Variants in GKN1 observed in about 807,000 individuals in gnomAD.
GKN1 encodes gastrokine 1.
Under a neutral mutation model 19.7 loss-of-function variants are expected in GKN1, and 17 were observed. The observed-to-expected ratio is 0.86, with a 90% confidence interval of 0.59 to 1.29. The LOEUF (loss-of-function observed/expected upper bound fraction) is 1.29. Ranked by LOEUF, GKN1 falls within the 50% of genes most tolerant of loss-of-function variation. GKN1 has a pLI of 0.00. For synonymous variants in GKN1, 96 were observed against 78.3 expected (o/e 1.23, Z -1.20); for missense variants, 218 against 224.5 (o/e 0.97, Z 0.19).
intron 5 of GKN1, 152 bp downstream of exon 5, chr2:68,980,212 T>C (rs1670339565): frequency 1.5e-6 from 1 of 680,714 alleles, no homozygotes; most frequent in Non-Finnish European, 2.6e-6. Flanking sequence ...TACTGTTCTA[T>C]GTGCTTTAAG....
chr2:68,979,279 GAGTT>G (rs1327533041), intron 4 of GKN1, among the ~76,000 whole-genome samples: 1 of 152,214 alleles, frequency 6.6e-6, no homozygotes, highest in African/African-American at 2.4e-5. Context: ...TTTTCTGCAA[GAGTT>G]AGTTAGGGTT....
Position 68,977,480 on chromosome 2 carries a change from T to A in GKN1, c.13-15T>A. ...TTGCCATGTAACAGGAGACCAATGT[T>A]ATTTGTGATTTCAGATTGTCTTTGC... On this transcript the variant is annotated splice_polypyrimidine_tract_variant and intron_variant, in intron 1 of 5. Transcript: ENST00000377938. 1 of 1,579,870 alleles carries A rather than the reference T, an allele frequency of 6.3e-7. No homozygotes were observed. The highest frequency in any genetic ancestry group is 1.3e-5 in the African/African-American group (1 of 74,284).
chr2:68,977,408 T>C, intron 1 of GKN1, 87 bp from the exon 2 acceptor site: 1 of 918,406 alleles, frequency 1.1e-6, no homozygotes, highest in Non-Finnish European at 1.8e-6. Flanking sequence ...GTAAAATTAG[T>C]GAATACTTTT....
intron 1 of GKN1, among the ~76,000 whole-genome samples, chr2:68,975,683 AT>A (rs1275582059): frequency 2.0e-5 from 3 of 152,084 alleles, no homozygotes; most frequent in African/African-American, 7.2e-5. Flanking sequence ...CACAGGTTAG[AT>A]TTGATTTCTC....
Position 68,978,889 on chromosome 2 carries a change from C to A in GKN1, c.223C>A (p.Leu75Ile), listed in dbSNP as rs1389886912. The A allele has an allele frequency of 2.5e-6, 4 of 1,606,706 alleles. No individual in the cohort carries two copies. The highest frequency in any genetic ancestry group is 2.6e-6 in the Non-Finnish European group (3 of 1,174,220). ...DYGNGFAATR[L>I]FQKKTCIVHK... ...TTAACAGGGCTTTGCTGCAACCAGA[C>A]TCTTTCAAAAGAAGACATGCATTGT... The change falls in exon 4 of 6, where the codon CTC becomes ATC. Residue 75 changes from leucine to isoleucine, a missense_variant. Leu to Ile is a conservative substitution (Grantham distance 5). Transcript: ENST00000377938.
intron 4 of GKN1, 150 bp from the exon 5 acceptor site, chr2:68,979,763 T>C (rs1670330023): frequency 1.6e-6 from 1 of 627,800 alleles, no homozygotes; most frequent in South Asian, 1.9e-5. Flanking sequence ...CAGAATAAGC[T>C]AGAAATGGCT....
In GKN1 at chr2:68,977,465, A is replaced by C. The variant is rs546719142; in HGVS notation, c.13-30A>C. Reference sequence around the variant, plus strand: ...AAAGAAGACATCATTTTGCCATGTAACAGGAGACCAATGTTATTTGTGATT... The same window carrying C: ...AAAGAAGACATCATTTTGCCATGTACCAGGAGACCAATGTTATTTGTGATT... On this transcript the variant is annotated intron_variant, in intron 1 of 5. Transcript: ENST00000377938. 383 of 1,508,684 alleles carry C rather than the reference A, an allele frequency of 2.5e-4. 7 individuals carry two copies. In the South Asian group the frequency reaches 4.0e-3, roughly 16 times the overall value. The allele number at this position is 1,508,684 out of a possible 1,614,324, so 93.5% of individuals were successfully genotyped here.
At chr2:68,980,085 C>T (rs768122229) in intron 5 of GKN1, 25 bp downstream of exon 5, 14 of 1,603,392 alleles carry the variant, frequency 8.7e-6, no homozygotes, top group Admixed American at 5.0e-5. Flanking sequence ...TACTGTGCAC[C>T]CCAAGTTAGT....
chr2:68,977,620 T>C lies in GKN1; in HGVS notation c.67-17T>C. 1 of 1,608,874 alleles carries C rather than the reference T, an allele frequency of 6.2e-7. No homozygotes were observed. On this transcript the variant is annotated splice_polypyrimidine_tract_variant and intron_variant, in intron 2 of 5. Coordinates refer to ENST00000377938, the MANE Select transcript of GKN1 (RefSeq NM_019617.4). The stretch of plus-strand genomic sequence containing the variant: ...AAATGTGATATTAAATCACTCTCAA[T>C]CTCTTATAAACTTCAGAATATCAAC...
At chr2:68,978,786 T>G (rs1423674698) in intron 3 of GKN1, 85 bp from the exon 4 acceptor site, 5 of 701,094 alleles carry the variant, frequency 7.1e-6, no homozygotes, top group Non-Finnish European at 1.3e-5. Flanking sequence ...GGAGTTCCCA[T>G]TTCTCTCTGC....
In GKN1 at chr2:68,980,116, A is replaced by G. The variant is rs1481302897; in HGVS notation, c.463+56A>G. On this transcript the variant is annotated intron_variant, in intron 5 of 5. Transcript: ENST00000377938. ...TTAGTGCTGGTGGGATTGTCAGACTATCCTCGCGCGTGTCCATAGTGGGCA... is the reference window on the plus strand; with the variant it reads ...TTAGTGCTGGTGGGATTGTCAGACTGTCCTCGCGCGTGTCCATAGTGGGCA... 9 of 1,509,590 alleles carry G rather than the reference A, an allele frequency of 6.0e-6. No individual in the cohort carries two copies. In the East Asian group the frequency reaches 1.8e-4, roughly 30 times the overall value. The allele number at this position is 1,509,590 out of a possible 1,614,324, so 93.5% of individuals were successfully genotyped here.
At chr2:68,980,702 A>G (rs777249036) in intron 5 of GKN1, 27 bp from the exon 6 acceptor site, 41 of 1,191,400 alleles carry the variant, frequency 3.4e-5, no homozygotes, top group Non-Finnish European at 4.8e-5. Context: ...AGACATTAAT[A>G]TAGGCTTCTT....
chr2:68,977,631 C>A lies in GKN1; in HGVS notation c.67-6C>A. The A allele has an allele frequency of 6.2e-7, 1 of 1,610,158 alleles. No individual in the cohort carries two copies. On this transcript the variant is annotated splice_region_variant and splice_polypyrimidine_tract_variant and intron_variant, in intron 2 of 5. Transcript: ENST00000377938. ...TAAATCACTCTCAATCTCTTATAAA[C>A]TTCAGAATATCAACGTCAATGATGA...
chr2:68,976,430 T>C (rs1424711589), intron 1 of GKN1, among the ~76,000 whole-genome samples: 2 of 152,206 alleles, frequency 1.3e-5, no homozygotes, highest in Non-Finnish European at 2.9e-5. Flanking sequence ...GGTCAAAATA[T>C]GTGCCAGGTG....
chr2:68,974,901 C>T (rs539404837), intron 1 of GKN1, among the ~76,000 whole-genome samples: 1 of 152,074 alleles, frequency 6.6e-6, no homozygotes, highest in East Asian at 1.9e-4. Context: ...GAGGACAGGT[C>T]AATAGGGGCA....
chr2:68,974,739 C>A, intron 1 of GKN1, 50 bp downstream of exon 1: 1 of 1,161,510 alleles, frequency 8.6e-7, no homozygotes. Flanking sequence ...TGGAGACTGT[C>A]AATATTCTGA....
chr2:68,979,954 G>C lies in GKN1; in HGVS notation c.357G>C (p.Leu119=). 1 of 1,613,476 alleles carries C rather than the reference G, an allele frequency of 6.2e-7. No individual in the cohort carries two copies. Among genetic ancestry groups the C allele is most frequent in the Non-Finnish European group, 8.5e-7 (1 of 1,179,392 alleles). The stretch of plus-strand genomic sequence containing the variant: ...CAGGAGGACCACCTCCCAAGGGCCT[G>C]ATGTACTCAGTCAACCCAAACAAAG... The part of the protein sequence containing the change: ...KGPGGPPPKG[L]MYSVNPNKVD... Residue 119 remains leucine (L), a synonymous_variant, in exon 5 of 6, where the codon CTG becomes CTC. Transcript: ENST00000377938.
chr2:68,978,663 T>A (rs1670313730), intron 3 of GKN1, among the ~76,000 whole-genome samples: 1 of 152,202 alleles, frequency 6.6e-6, no homozygotes, highest in African/African-American at 2.4e-5. Flanking sequence ...ACCAGTTAGA[T>A]GCTCAGTCTC....
intron 4 of GKN1, 70 bp downstream of exon 4, chr2:68,979,051 A>G (rs1397853146): frequency 1.3e-6 from 1 of 748,382 alleles, no homozygotes; most frequent in East Asian, 2.6e-5. Flanking sequence ...TAACGAGAAG[A>G]TCACAGTCAT....
Sources: gnomAD v4.1 joint callset for allele counts (sites outside exome capture counted in the v4.1 genomes callset) on GRCh38, gnomAD v4.1.1 for gene constraint, MANE v1.5 for transcripts, NCBI Gene and HGNC (gene_info 2026-07-23, HGNC 2026-07-21) for gene names.